Variants in RELN observed in about 807,000 individuals in gnomAD.
RELN encodes the protein reelin.
Under a neutral mutation model 427.6 loss-of-function variants are expected in RELN, and 108 were observed. That is an observed-to-expected ratio of 0.25 (90% CI 0.22 to 0.30). The LOEUF (loss-of-function observed/expected upper bound fraction) is 0.30, where lower values mean the gene tolerates loss of function less well. Ranked by LOEUF, RELN falls within the 10% of genes least tolerant of loss-of-function variation. RELN has a pLI of 1.00. For missense variants in RELN, 3,715 were observed against 4,302.8 expected (o/e 0.86, Z 3.82); for synonymous variants, 1,524 against 1,513.4 (o/e 1.01, Z -0.16).
Position 103,545,229 on chromosome 7 carries a change from C to T in RELN, c.6418G>A (p.Gly2140Arg). The change falls in exon 42 of 65, where the codon GGG becomes AGG. Residue 2140 changes from glycine to arginine, a missense_variant. Gly to Arg is a moderately radical substitution (Grantham distance 125). Coordinates refer to ENST00000428762, the MANE Select transcript of RELN (RefSeq NM_005045.4). ...CATTTGGTTCCATTGATACAGCTCCCCTGTCCATTACACATCTCCTCACAC... is the reference window on the plus strand; with the variant it reads ...CATTTGGTTCCATTGATACAGCTCCTCTGTCCATTACACATCTCCTCACAC... ...PQCEEMCNGQ[G>R]SCINGTKCIC... 1 of 1,614,054 alleles carries T rather than the reference C, an allele frequency of 6.2e-7. No homozygotes were observed. Among genetic ancestry groups the T allele is most frequent in the Non-Finnish European group, 8.5e-7 (1 of 1,179,934 alleles).
At chr7:103,577,217 A>C (rs1325196338) in intron 28 of RELN, among the ~76,000 whole-genome samples, 1 of 152,226 alleles carries the variant, frequency 6.6e-6, no homozygotes, top group East Asian at 1.9e-4. Context: ...TATTGTGAGG[A>C]TAACATGGCA....
chr7:103,982,941 A>G lies in RELN; in HGVS notation c.226+6190T>C, dbSNP rs575834697. Among the ~76,000 whole-genome samples the G allele has an allele frequency of 1.7e-4, 26 of 152,332 alleles. No individual in the cohort carries two copies. The South Asian group carries it at 5.4e-3, about 32-fold the overall frequency. ...CTCCAAAGTAGCTAGGATCACAAGC[A>G]TATGCCACTGTGCCTAGCTATAATA... is the stretch of plus-strand genomic sequence containing the variant. On this transcript the variant is annotated intron_variant, in intron 1 of 64. Coordinates refer to ENST00000428762, the MANE Select transcript of RELN (RefSeq NM_005045.4).
chr7:103,904,660 C>T (rs1308178785), intron 2 of RELN, among the ~76,000 whole-genome samples: 1 of 151,866 alleles, frequency 6.6e-6, no homozygotes, highest in Admixed American at 6.6e-5. Flanking sequence ...TTTTTGTTTG[C>T]CTAAAGGAAA....
At chr7:103,891,763 T>C (rs1794854709) in intron 2 of RELN, among the ~76,000 whole-genome samples, 2 of 152,192 alleles carry the variant, frequency 1.3e-5, no homozygotes, top group Admixed American at 1.3e-4. Context: ...AAAAATTGTA[T>C]CACCTATATG....
intron 10 of RELN, among the ~76,000 whole-genome samples, chr7:103,696,293 T>C (rs1172539222): frequency 6.6e-6 from 1 of 152,156 alleles, no homozygotes; most frequent in African/African-American, 2.4e-5. Context: ...TCATATCACC[T>C]AAGTGCAATT....
At chr7:103,957,338 T>C (rs1022737476) in intron 1 of RELN, among the ~76,000 whole-genome samples, 2 of 152,156 alleles carry the variant, frequency 1.3e-5, no homozygotes, top group African/African-American at 4.8e-5. Context: ...AGCTCGGGGA[T>C]GCAAAACAGA....
At chr7:103,777,164 A>C (rs1213092793) in intron 3 of RELN, among the ~76,000 whole-genome samples, 2 of 152,206 alleles carry the variant, frequency 1.3e-5, no homozygotes, top group East Asian at 3.8e-4. Flanking sequence ...GAGATTCACT[A>C]TTTGAAGGAG....
At position 103,556,964 on chromosome 7, in the gene RELN, C is replaced by T. The variant is rs1206033193; in HGVS notation, c.5797+13G>A. On this transcript the variant is annotated intron_variant, in intron 38 of 64. Transcript: ENST00000428762. ...TATCAGTTCTGATCACAGGAGAACA[C>T]ATGCATTTTTACCGTTATTATAAGG... The T allele has an allele frequency of 2.5e-6, 4 of 1,598,642 alleles. No homozygotes were observed. Among genetic ancestry groups the T allele is most frequent in the Middle Eastern group, 1.7e-4 (1 of 6,024 alleles).
At chr7:103,727,928 T>C (rs1790254535) in intron 7 of RELN, among the ~76,000 whole-genome samples, 183 bp downstream of exon 7, 1 of 152,326 alleles carries the variant, frequency 6.6e-6, no homozygotes, top group Middle Eastern at 3.4e-3. Flanking sequence ...ACTGAATTAT[T>C]TATTTTTACA....
chr7:103,865,674 GA>G (rs1228892697), intron 2 of RELN, among the ~76,000 whole-genome samples: 1 of 152,080 alleles, frequency 6.6e-6, no homozygotes, highest in Non-Finnish European at 1.5e-5. Flanking sequence ...GATAGATGCA[GA>G]AAAAGCATGA....
chr7:103,672,283 C>T (rs1263016509), intron 11 of RELN, among the ~76,000 whole-genome samples: 3 of 152,106 alleles, frequency 2.0e-5, no homozygotes, highest in East Asian at 1.9e-4. Flanking sequence ...ATTCTGGATG[C>T]TCACATGGAC....
chr7:103,978,633 T>C (rs1157637089), intron 1 of RELN, among the ~76,000 whole-genome samples: 1 of 152,224 alleles, frequency 6.6e-6, no homozygotes, highest in Non-Finnish European at 1.5e-5. Flanking sequence ...ATTTTAATAA[T>C]TGAGGTGAAT....
chr7:103,686,258 C>A (rs1021076104), intron 10 of RELN, among the ~76,000 whole-genome samples: 4 of 152,108 alleles, frequency 2.6e-5, no homozygotes, highest in Non-Finnish European at 5.9e-5. Flanking sequence ...CCATTTCCTC[C>A]ATTAAGGAGT....
At chr7:103,913,982 C>T (rs1163198077) in intron 2 of RELN, among the ~76,000 whole-genome samples, 1 of 152,186 alleles carries the variant, frequency 6.6e-6, no homozygotes, top group Non-Finnish European at 1.5e-5. Context: ...CTGATGGGCT[C>T]TGCCCAAGCT....
intron 3 of RELN, among the ~76,000 whole-genome samples, chr7:103,818,272 A>G (rs1563031318): frequency 6.6e-6 from 1 of 152,218 alleles, no homozygotes; most frequent in Non-Finnish European, 1.5e-5. Flanking sequence ...TTGCTTTTCA[A>G]CTGAATTAGT....
Position 103,824,427 on chromosome 7 carries a change from C to G in RELN, c.473+9110G>C, listed in dbSNP as rs962362383. ...AGTGGGCCCAGTTCCAGCTCAGTCTCCTTTATTATCTCCTGCTGTCTTTTA... is the reference window on the plus strand; with the variant it reads ...AGTGGGCCCAGTTCCAGCTCAGTCTGCTTTATTATCTCCTGCTGTCTTTTA... On this transcript the variant is annotated intron_variant, in intron 3 of 64. Coordinates refer to ENST00000428762, the MANE Select transcript of RELN (RefSeq NM_005045.4). The surrounding 1 kb of genome is among the most constrained non-coding windows in gnomAD (Gnocchi z 4.4). 6.6e-6 allele frequency among the ~76,000 whole-genome samples: 1 copy of G among 152,006 alleles called. No individual in the cohort carries two copies. Among genetic ancestry groups the G allele is most frequent in the South Asian group, 2.1e-4 (1 of 4,822 alleles).
chr7:103,982,316 C>T (rs1232770686), intron 1 of RELN, among the ~76,000 whole-genome samples: 1 of 152,164 alleles, frequency 6.6e-6, no homozygotes, highest in African/African-American at 2.4e-5. Flanking sequence ...TCCATGGCTC[C>T]CTTGCAGCTC....
rs1029405712 is a variant in RELN, at chr7:103,620,832, G to T, written c.2703-9029C>A. On this transcript the variant is annotated intron_variant, in intron 20 of 64. Transcript: ENST00000428762. The surrounding 1 kb of genome is among the most constrained non-coding windows in gnomAD (Gnocchi z 4.1). ...GGATTTGCCCTTTCAACACACTCCT[G>T]TCTCTCTCAGTTCTTTTCTGTCTCC... Among the ~76,000 whole-genome samples the T allele has an allele frequency of 1.5e-4, 23 of 152,092 alleles. No homozygotes were observed. The highest frequency in any genetic ancestry group is 2.6e-4 in the Non-Finnish European group (18 of 68,014).
chr7:103,737,050 G>C (rs563663940), intron 6 of RELN, among the ~76,000 whole-genome samples: 5 of 152,108 alleles, frequency 3.3e-5, no homozygotes, highest in Non-Finnish European at 7.4e-5. Flanking sequence ...GGAGGTTAGA[G>C]AAAAAGTAGA....
Sources: allele counts gnomAD v4.1 joint callset (sites outside exome capture counted in the v4.1 genomes callset), GRCh38; gene constraint gnomAD v4.1.1; non-coding constraint Gnocchi (gnomAD v3.1); transcripts MANE v1.5; gene names NCBI Gene and HGNC (gene_info 2026-07-23, HGNC 2026-07-21).